The following HRH1 variants were observed in gnomAD, a reference collection of about 807,000 sequenced individuals.
The protein encoded by HRH1 is histamine H1 receptor.
Under a neutral mutation model 10.3 loss-of-function variants are expected in HRH1, and 6 were observed. The observed-to-expected ratio is 0.58, with a 90% CI of 0.32 to 1.15. HRH1 has a LOEUF of 1.15. Among genes scored for constraint, HRH1 ranks in the 50% most tolerant of loss-of-function variants. The probability of loss-of-function intolerance (pLI) is 0.05; values close to 1 mark genes in which losing one functional copy is unlikely to be tolerated. For missense variants in HRH1, 514 were observed against 615.3 expected (o/e 0.84, Z 1.74); for synonymous variants, 242 against 236.7 (o/e 1.02, Z -0.21).
chr3:11,221,568 T>A (rs1267061031), intron 1 of HRH1, among the ~76,000 whole-genome samples: 1 of 147,554 alleles, frequency 6.8e-6, no homozygotes, highest in East Asian at 1.9e-4. Context: ...AAAAAAAAAA[T>A]GTATATATAT....
intron 1 of HRH1, among the ~76,000 whole-genome samples, chr3:11,176,241 A>C (rs936815290): frequency 6.6e-6 from 1 of 152,204 alleles, no homozygotes. Flanking sequence ...ACAGGTAAAT[A>C]GAATGACGAA....
At chr3:11,172,631 C>T (rs1281153917) in intron 1 of HRH1, among the ~76,000 whole-genome samples, 1 of 152,072 alleles carries the variant, frequency 6.6e-6, no homozygotes, top group African/African-American at 2.4e-5. Flanking sequence ...GGACTCAGGA[C>T]CCCCAGACCC....
At chr3:11,147,612 G>A (rs900315077) in intron 1 of HRH1, among the ~76,000 whole-genome samples, 21 of 148,632 alleles carry the variant, frequency 1.4e-4, no homozygotes, top group Admixed American at 1.1e-3. Context: ...AGTAGGTGTA[G>A]AAAAAAAAAA....
intron 1 of HRH1, among the ~76,000 whole-genome samples, chr3:11,257,559 C>CAAAA (rs1235459388): frequency 1.0e-5 from 1 of 99,598 alleles, no homozygotes. Context: ...GACTCCATCT[C>CAAAA]AAAAAAAAAA....
chr3:11,203,401 C>A (rs1938004715), intron 1 of HRH1, among the ~76,000 whole-genome samples: 1 of 152,094 alleles, frequency 6.6e-6, no homozygotes, highest in Non-Finnish European at 1.5e-5. Context: ...AAGGAGCATG[C>A]CTTTGGTATT....
At chr3:11,142,561 A>C (rs1382207480) in intron 1 of HRH1, among the ~76,000 whole-genome samples, 1 of 152,212 alleles carries the variant, frequency 6.6e-6, no homozygotes, top group African/African-American at 2.4e-5. Context: ...GCCAAGTGAT[A>C]AGCAGGAGCA....
intron 1 of HRH1, among the ~76,000 whole-genome samples, chr3:11,227,072 C>A (rs1331097350): frequency 6.6e-6 from 1 of 151,942 alleles, no homozygotes; most frequent in Non-Finnish European, 1.5e-5. Context: ...GTGAAAGAGG[C>A]CAAAACCAGG....
rs553207214 is a variant in HRH1, at chr3:11,192,260, T to A, written c.-36+37706T>A. Among the ~76,000 whole-genome samples, 3 of 152,372 alleles carry A rather than the reference T, an allele frequency of 2.0e-5. No individual in the cohort carries two copies. The South Asian group carries it at 6.2e-4, about 32-fold the overall frequency. On this transcript the variant is annotated intron_variant, in intron 1 of 1. Transcript: ENST00000431010. ...AAGAAAGAGAACATGACAAGCACCT[T>A]GAAGCCTCCTCATGCCCCCTTCCAG... is the stretch of plus-strand genomic sequence containing the variant.
At chr3:11,181,984 C>A (rs1289118872) in intron 1 of HRH1, among the ~76,000 whole-genome samples, 1 of 151,200 alleles carries the variant, frequency 6.6e-6, no homozygotes, top group Non-Finnish European at 1.5e-5. Flanking sequence ...CATAAAAATT[C>A]TTTCTTTTAT....
intron 1 of HRH1, among the ~76,000 whole-genome samples, chr3:11,256,851 G>T: frequency 6.6e-6 from 1 of 151,758 alleles, no homozygotes; most frequent in South Asian, 2.1e-4. Context: ...ATCTGGCTTT[G>T]TCTTAATGTA....
intron 1 of HRH1, among the ~76,000 whole-genome samples, chr3:11,173,387 T>TATA (rs1937191195): frequency 6.6e-6 from 1 of 151,378 alleles, no homozygotes; most frequent in African/African-American, 2.4e-5. Flanking sequence ...TATATATATA[T>TATA]GGGGTTTTTT....
intron 1 of HRH1, among the ~76,000 whole-genome samples, chr3:11,228,373 C>T (rs1381514504): frequency 6.6e-6 from 1 of 152,212 alleles, no homozygotes; most frequent in Admixed American, 6.5e-5. Context: ...AGAACGAGAA[C>T]CTGTCTCTAA....
At position 11,180,578 on chromosome 3, in the gene HRH1, G is replaced by A. The variant is rs536222115; in HGVS notation, c.-36+26024G>A. Among the ~76,000 whole-genome samples, 7 of 152,202 alleles carry A rather than the reference G, an allele frequency of 4.6e-5. No homozygotes were observed. The South Asian group carries it at 6.2e-4, about 14-fold the overall frequency. On this transcript the variant is annotated intron_variant, in intron 1 of 1. Transcript: ENST00000431010. ...CAAGGCCACTGACCAGTACCGGTCC[G>A]CAGCCCAGGGGTTGGGTACCCCTGT...
At chr3:11,142,370 TC>T (rs1182261181) in intron 1 of HRH1, among the ~76,000 whole-genome samples, 1 of 152,188 alleles carries the variant, frequency 6.6e-6, no homozygotes, top group Admixed American at 6.5e-5. Flanking sequence ...GATAGTTCAT[TC>T]AATTACCATT....
intron 1 of HRH1, among the ~76,000 whole-genome samples, chr3:11,228,946 C>A (rs1188408971): frequency 1.3e-5 from 2 of 150,474 alleles, no homozygotes; most frequent in Non-Finnish European, 3.0e-5. Context: ...GTGGTAAATG[C>A]CTTAATAGAG....
chr3:11,250,038 T>C (rs1404662158), intron 1 of HRH1, among the ~76,000 whole-genome samples: 2 of 120,674 alleles, frequency 1.7e-5, no homozygotes, highest in African/African-American at 6.6e-5. Flanking sequence ...TTTTCTCTTT[T>C]TTTTTTTTTT....
chr3:11,228,315 A>G (rs757102750), intron 1 of HRH1, among the ~76,000 whole-genome samples: 7 of 152,078 alleles, frequency 4.6e-5, no homozygotes, highest in Non-Finnish European at 7.4e-5. Flanking sequence ...CAGGAGTTGA[A>G]GGTCACAGTG....
chr3:11,235,945 T>C (rs1470452984), intron 1 of HRH1, among the ~76,000 whole-genome samples: 1 of 152,190 alleles, frequency 6.6e-6, no homozygotes, highest in Non-Finnish European at 1.5e-5. Flanking sequence ...TCAAAATCTC[T>C]GATGTATGTG....
intron 1 of HRH1, among the ~76,000 whole-genome samples, chr3:11,186,888 A>T (rs906823642): frequency 6.6e-6 from 1 of 152,240 alleles, no homozygotes; most frequent in African/African-American, 2.4e-5. Context: ...TCACTGGAGA[A>T]AAGATAGATT....
Sources: gnomAD v4.1 joint callset for allele counts (sites outside exome capture counted in the v4.1 genomes callset) on GRCh38, gnomAD v4.1.1 for gene constraint, MANE v1.5 for transcripts, NCBI Gene and HGNC (gene_info 2026-07-23, HGNC 2026-07-21) for gene names.